Variants in RAD51D observed in about 807,000 individuals in gnomAD.
RAD51D encodes the protein RAD51 paralog D.
In RAD51D, 38 loss-of-function variants were observed where a neutral mutation model predicts 44.1. The ratio of observed to expected loss-of-function variants is 0.86; its 90% CI spans 0.67 to 1.13. The LOEUF (loss-of-function observed/expected upper bound fraction) is 1.13, where lower values mean the gene tolerates loss of function less well. Ranked by LOEUF, RAD51D falls within the 50% of genes most tolerant of loss-of-function variation. The pLI is 0.00. For missense variants in RAD51D, 390 were observed against 414.0 expected, an observed-to-expected ratio of 0.94 and a Z score of 0.50; for synonymous variants, 141 against 166.6, an observed-to-expected ratio of 0.85 and a Z score of 1.18.
rs752051995 is a variant in RAD51D at position 35,106,368 on chromosome 17, G to A, written c.576+18C>T. 45 of 1,606,120 alleles carry A rather than the reference G, an allele frequency of 2.8e-5. 1 individual carries two copies. In the Middle Eastern group the frequency reaches 4.9e-4, roughly 18 times the overall value. On this transcript the variant is annotated intron_variant, in intron 6 of 9. Coordinates refer to ENST00000345365, the MANE Select transcript of RAD51D (RefSeq NM_002878.4). ...AGAAAGCTGAATTAAGCAAGGAGGG[G>A]CAGAACAGCAGGCTCACCTGCTGGG... is the stretch of plus-strand genomic sequence containing the variant.
At chr17:35,117,538 G>A (rs1320865989) in intron 3 of RAD51D, among the ~76,000 whole-genome samples, 2 of 152,162 alleles carry the variant, frequency 1.3e-5, no homozygotes, top group Non-Finnish European at 2.9e-5. Flanking sequence ...CACCAAGGCT[G>A]GAGTGCAGTG....
At chr17:35,113,132 T>C (rs1279733947) in intron 3 of RAD51D, among the ~76,000 whole-genome samples, 1 of 152,208 alleles carries the variant, frequency 6.6e-6, no homozygotes, top group African/African-American at 2.4e-5. Flanking sequence ...TGCCACGGCC[T>C]GTACCAATGC....
At chr17:35,118,407 AC>A in intron 3 of RAD51D, 93 bp downstream of exon 3, 2 of 1,044,468 alleles carry the variant, frequency 1.9e-6, no homozygotes, top group Admixed American at 1.9e-5. Flanking sequence ...TAAAAAAAAA[AC>A]CCCTCCCGTC....
chr17:35,113,517 C>T (rs746160129), intron 3 of RAD51D: 5 of 410,700 alleles, frequency 1.2e-5, no homozygotes, highest in Non-Finnish European at 2.0e-5. Flanking sequence ...GACCCACTCG[C>T]CTTGGCCTCC....
chr17:35,104,337 C>T (rs370995520), intron 6 of RAD51D, among the ~76,000 whole-genome samples: 2 of 152,192 alleles, frequency 1.3e-5, no homozygotes, highest in African/African-American at 4.8e-5. Context: ...TTCACTGTCT[C>T]CTTCTAGATC....
At chr17:35,107,276 A>G (rs2142435445) in intron 4 of RAD51D, 90 bp downstream of exon 4, 2 of 1,453,706 alleles carry the variant, frequency 1.4e-6, no homozygotes, top group Non-Finnish European at 1.9e-6. Context: ...CTCTGAACCC[A>G]TTAGTACGCT....
rs1416631196 is a variant in RAD51D at position 35,106,438 on chromosome 17, A to G, written c.524T>C (p.Ile175Thr). ...CTGCAGCACATCCAGCATCTGGAAG[A>G]TGTCAAATGCATGCACCACCTGGAT... ...RRIQVVHAFD[I>T]FQMLDVLQEL... is the part of the protein sequence containing the mutation. The change falls in exon 6 of 10, where the codon ATC becomes ACC. Residue 175 changes from isoleucine (I) to threonine (T), a missense_variant. Ile to Thr is a moderately conservative substitution (Grantham distance 89, BLOSUM62 -1). Transcript: ENST00000345365. The G allele has an allele frequency of 6.2e-7, 1 of 1,613,430 alleles. No homozygotes were observed. Among genetic ancestry groups the G allele is most frequent in the Admixed American group, 1.7e-5 (1 of 59,892 alleles).
chr17:35,109,880 T>G lies in RAD51D; in HGVS notation c.264-2433A>C, dbSNP rs551705917. Among the ~76,000 whole-genome samples, 3 of 151,944 alleles carry G rather than the reference T, an allele frequency of 2.0e-5. No individual in the cohort carries two copies. In the East Asian group the frequency reaches 5.8e-4, roughly 29 times the overall value. ...CGAGGTTTCTTCATGTTGGTCAGGC[T>G]GATCTCAAACTCCCGACCTCAGGTG... On this transcript the variant is annotated intron_variant, in intron 3 of 9. Coordinates refer to ENST00000345365, the MANE Select transcript of RAD51D (RefSeq NM_002878.4).
intron 3 of RAD51D, among the ~76,000 whole-genome samples, chr17:35,111,032 C>T (rs1440762289): frequency 1.3e-5 from 2 of 151,788 alleles, no homozygotes; most frequent in East Asian, 1.9e-4. Flanking sequence ...ACCCGGGAGG[C>T]GGGGGTTGCA....
At chr17:35,116,903 C>T (rs996040040) in intron 3 of RAD51D, 11 of 1,600,240 alleles carry the variant, frequency 6.9e-6, no homozygotes, top group Non-Finnish European at 9.4e-6. Context: ...AAGCATTCAG[C>T]GAAAGTCCAT....
intron 3 of RAD51D, chr17:35,117,057 C>A: frequency 1.9e-6 from 3 of 1,601,782 alleles, no homozygotes; most frequent in Non-Finnish European, 2.6e-6. Context: ...TTATAAACTC[C>A]CTAAGCCCAA....
At chr17:35,115,956 G>GGAAAGGAAAGAAA in intron 3 of RAD51D, among the ~76,000 whole-genome samples, 1 of 65,282 alleles carries the variant, frequency 1.5e-5, no homozygotes, top group East Asian at 4.4e-4. Flanking sequence ...AAGGAAGAAA[G>GGAAAGGAAAGAAA]GAAAGAAAGA....
At position 35,097,016 on chromosome 17, in the gene RAD51D, A is replaced by C. The variant is rs2091490062; in HGVS notation, c.*3937T>G. The C allele has an allele frequency of 6.6e-6, 1 of 152,186 alleles. No individual in the cohort carries two copies. The highest frequency in any genetic ancestry group is 1.5e-5 in the Non-Finnish European group (1 of 68,042). The allele number at this position is 152,186 out of a possible 1,614,324, so 9.4% of individuals were successfully genotyped here. A position where few individuals can be genotyped will look rare whatever the true frequency, so the allele number is the denominator to read the frequency against. On this transcript the variant is annotated 3_prime_UTR_variant, in exon 10 of 10. Transcript: ENST00000345365. Reference sequence around the variant, plus strand: ...CCATCAAGTGCTAGCACATAGTAGGATCTCAACATTAATTTCATCTGATGT... The same window carrying C: ...CCATCAAGTGCTAGCACATAGTAGGCTCTCAACATTAATTTCATCTGATGT...
chr17:35,117,014 C>A, intron 3 of RAD51D: 1 of 1,613,416 alleles, frequency 6.2e-7, no homozygotes, highest in Non-Finnish European at 8.5e-7. Context: ...CTCCCAGGTT[C>A]CCACTTGAGT....
At chr17:35,112,187 C>T (rs1308106383) in intron 3 of RAD51D, among the ~76,000 whole-genome samples, 2 of 152,198 alleles carry the variant, frequency 1.3e-5, no homozygotes, top group African/African-American at 2.4e-5. Context: ...ACGTCATTCT[C>T]GTGCCTCAGC....
chr17:35,101,579 G>A (rs1258910479), intron 8 of RAD51D, among the ~76,000 whole-genome samples: 2 of 152,230 alleles, frequency 1.3e-5, no homozygotes, highest in African/African-American at 2.4e-5. Flanking sequence ...GGTTTGACCC[G>A]AACCAGAAGG....
intron 3 of RAD51D, among the ~76,000 whole-genome samples, chr17:35,111,354 C>CAAAA (rs60278898): frequency 7.9e-6 from 1 of 127,382 alleles, no homozygotes; most frequent in African/African-American, 2.9e-5. Context: ...AACTCCATCT[C>CAAAA]AAAAAAAAAA....
chr17:35,108,558 G>A (rs1462868525), intron 3 of RAD51D, among the ~76,000 whole-genome samples: 3 of 144,014 alleles, frequency 2.1e-5, no homozygotes, highest in East Asian at 2.2e-4. Flanking sequence ...GCAAACTGAT[G>A]TTGGTACTAT....
In RAD51D at chr17:35,101,340, C is replaced by T. The variant is rs1056851142; in HGVS notation, c.764G>A (p.Arg255Lys). Residue 255 changes from arginine (R) to lysine (K), a missense_variant, in exon 9 of 10, where the codon AGG becomes AAG. Arg to Lys is a conservative substitution (Grantham distance 26). Transcript: ENST00000345365. ...VVVTNHITRD[R>K]DSGRLKPALG... is the part of the protein sequence containing the mutation. ...GGCAGGTTTGAGCCTCCCGCTGTCCCTGTCTCGAGTTATGTGGTTGGTCAC... is the reference window on the plus strand; with the variant it reads ...GGCAGGTTTGAGCCTCCCGCTGTCCTTGTCTCGAGTTATGTGGTTGGTCAC... 1.9e-6 allele frequency: 3 copies of T among 1,613,952 alleles called. No individual in the cohort carries two copies. The African/African-American group carries it at 4.0e-5, about 22-fold the overall frequency.
Sources: gnomAD v4.1 joint callset for allele counts (sites outside exome capture counted in the v4.1 genomes callset) on GRCh38, gnomAD v4.1.1 for gene constraint, MANE v1.5 for transcripts, NCBI Gene and HGNC (gene_info 2026-07-23, HGNC 2026-07-21) for gene names.